Variants in MEGF8 observed in about 807,000 individuals in gnomAD.
MEGF8 encodes the protein multiple EGF like domains 8, also known as multiple epidermal growth factor-like domains protein 8.
Under a neutral mutation model 302.9 loss-of-function variants are expected in MEGF8, and 156 were observed. That is an observed-to-expected ratio of 0.52 (90% CI 0.45 to 0.59). MEGF8 has a LOEUF of 0.59. Ranked by LOEUF, MEGF8 falls within the 20% of genes least tolerant of loss-of-function variation. The probability of loss-of-function intolerance (pLI) is 0.00; values close to 1 mark genes in which losing one functional copy is unlikely to be tolerated. For synonymous variants in MEGF8, 1,621 were observed against 1,660.5 expected, an observed-to-expected ratio of 0.98 and a Z score of 0.58; for missense variants, 3,345 against 3,964.5, an observed-to-expected ratio of 0.84 and a Z score of 4.20.
At position 42,351,697 on chromosome 19, in the gene MEGF8, C is replaced by T. The variant is rs761975438; in HGVS notation, c.3037C>T (p.His1013Tyr). 4 of 1,595,826 alleles carry T rather than the reference C, an allele frequency of 2.5e-6. No individual in the cohort carries two copies. The highest frequency in any genetic ancestry group is 2.7e-5 in the African/African-American group (2 of 74,504). ...GAGCTGCGATGGCTTCCTGACCTGC[C>T]ATGAGTGTCTGCAGAGCCACGAGTG... is the stretch of plus-strand genomic sequence containing the variant. ...CRSCDGFLTCHECLQSHECGW... is the reference protein window; with the variant it reads ...CRSCDGFLTCYECLQSHECGW... The change falls in exon 18 of 42, where the codon CAT becomes TAT. Residue 1013 changes from histidine (H) to tyrosine (Y), a missense_variant. Transcript: ENST00000251268. The surrounding 1 kb of genome is among the most constrained non-coding windows in gnomAD (Gnocchi z 5.6).
Position 42,352,488 on chromosome 19 carries a change from T to C in MEGF8, c.3350+32T>C. On this transcript the variant is annotated intron_variant, in intron 19 of 41. Coordinates refer to ENST00000251268, the MANE Select transcript of MEGF8 (RefSeq NM_001271938.2). This position sits in a 1 kb window ranked among gnomAD's most constrained non-coding sequence, Gnocchi z 4.4. ...GAGGCGGGGGTTGCTATGGAGATGTTGCCCCAGGCTGGGGCACATGGAGGT... is the reference window on the plus strand; with the variant it reads ...GAGGCGGGGGTTGCTATGGAGATGTCGCCCCAGGCTGGGGCACATGGAGGT... 1 of 1,548,748 alleles carries C rather than the reference T, an allele frequency of 6.5e-7. No homozygotes were observed. The highest frequency in any genetic ancestry group is 8.8e-7 in the Non-Finnish European group (1 of 1,140,702).
intron 15 of MEGF8, 54 bp downstream of exon 15, chr19:42,350,438 A>C (rs1427130893): frequency 7.0e-7 from 1 of 1,423,016 alleles, no homozygotes; most frequent in Non-Finnish European, 9.2e-7. Context: ...CACAGCAGGC[A>C]ATGGGCAGTC....
At position 42,337,221 on chromosome 19, in the gene MEGF8, T is replaced by A. The variant is rs1277795204; in HGVS notation, c.1513+15T>A. 1.2e-6 allele frequency: 2 copies of A among 1,613,148 alleles called. No homozygotes were observed. Among genetic ancestry groups the A allele is most frequent in the East Asian group, 4.5e-5 (2 of 44,864 alleles). ...AACCCCTGAGGGTGAGTGGTCCCTG[T>A]TCTTCCCTAGGGGCTCCTGAGGGTC... On this transcript the variant is annotated intron_variant, in intron 8 of 41. Coordinates refer to ENST00000251268, the MANE Select transcript of MEGF8 (RefSeq NM_001271938.2).
At chr19:42,372,071 ACAAACAC>A (rs2039700257) in intron 41 of MEGF8, among the ~76,000 whole-genome samples, 1 of 147,432 alleles carries the variant, frequency 6.8e-6, no homozygotes, top group African/African-American at 2.6e-5. Context: ...AACAACAACA[ACAAACAC>A]ACACACACAC....
chr19:42,366,020 T>C (rs1355531042), intron 35 of MEGF8, among the ~76,000 whole-genome samples: 1 of 151,802 alleles, frequency 6.6e-6, no homozygotes, highest in Non-Finnish European at 1.5e-5. Context: ...TGGCAGAGGT[T>C]GCAGTGAACT....
At chr19:42,348,625 A>C (rs2039324453) in intron 13 of MEGF8, among the ~76,000 whole-genome samples, 153 bp downstream of exon 13, 1 of 152,136 alleles carries the variant, frequency 6.6e-6, no homozygotes, top group Admixed American at 6.5e-5. Context: ...TGTAAGACAG[A>C]GTCTCACTCT....
At position 42,354,794 on chromosome 19, in the gene MEGF8, A is replaced by G; in HGVS notation, c.4144+74A>G. ...CCTTGCCCCTGAACTCACCACCTGA[A>G]GTGGGCTCAGGACCCAGCTCTGCCG... On this transcript the variant is annotated intron_variant, in intron 23 of 41. Transcript: ENST00000251268. This position sits in a 1 kb window ranked among gnomAD's most constrained non-coding sequence, Gnocchi z 4.3. 6.7e-7 allele frequency: 1 copy of G among 1,490,006 alleles called. No homozygotes were observed. The highest frequency in any genetic ancestry group is 9.0e-7 in the Non-Finnish European group (1 of 1,112,344). The allele number at this position is 1,490,006 out of a possible 1,614,324, so 92.3% of individuals were successfully genotyped here.
rs1465418135 is a variant in MEGF8, at chr19:42,353,175, C to T, written c.3550+48C>T. 6.1e-6 allele frequency: 9 copies of T among 1,478,626 alleles called. No individual in the cohort carries two copies. The highest frequency in any genetic ancestry group is 1.4e-5 in the African/African-American group (1 of 70,004). The allele number at this position is 1,478,626 out of a possible 1,614,324, so 91.6% of individuals were successfully genotyped here. A position where few individuals can be genotyped will look rare whatever the true frequency, so the allele number is the denominator to read the frequency against. On this transcript the variant is annotated intron_variant, in intron 20 of 41. Coordinates refer to ENST00000251268, the MANE Select transcript of MEGF8 (RefSeq NM_001271938.2). This position sits in a 1 kb window ranked among gnomAD's most constrained non-coding sequence, Gnocchi z 6.1. The stretch of plus-strand genomic sequence containing the variant: ...CCAGCCTGGACCCAGGGAGCCTCCT[C>T]CCTTCTTGGGGCTCCAGTTTGCTCT...
intron 13 of MEGF8, among the ~76,000 whole-genome samples, chr19:42,349,133 C>T (rs1316292338): frequency 6.6e-6 from 1 of 151,958 alleles, no homozygotes; most frequent in East Asian, 1.9e-4. Context: ...GACATCATCT[C>T]TCCAAAAAAT....
intron 41 of MEGF8, among the ~76,000 whole-genome samples, chr19:42,373,124 C>T (rs1360105961): frequency 6.6e-6 from 1 of 150,942 alleles, no homozygotes; most frequent in Non-Finnish European, 1.5e-5. Context: ...GACGGAGTCT[C>T]ACTCTGTCGC....
At chr19:42,334,434 C>G (rs1464356213) in intron 3 of MEGF8, among the ~76,000 whole-genome samples, 1 of 151,816 alleles carries the variant, frequency 6.6e-6, no homozygotes, top group Non-Finnish European at 1.5e-5. Context: ...TGAGGATATC[C>G]CACTCTCATC....
intron 1 of MEGF8, among the ~76,000 whole-genome samples, 197 bp from the exon 2 acceptor site, chr19:42,333,408 C>G (rs983124802): frequency 6.6e-6 from 1 of 152,208 alleles, no homozygotes; most frequent in Non-Finnish European, 1.5e-5. Flanking sequence ...GGGCTCCTGT[C>G]CCTCTGGCTG....
chr19:42,358,864 G>T lies in MEGF8; in HGVS notation c.5253G>T (p.Gly1751=), dbSNP rs1379858806. The change falls in exon 30 of 42, where the codon GGG becomes GGT. Residue 1751 remains glycine, a synonymous_variant. Transcript: ENST00000251268. This position sits in a 1 kb window ranked among gnomAD's most constrained non-coding sequence, Gnocchi z 4.4. The part of the protein sequence containing the change: ...QVPGEQPGSW[G]FREVRKKMAL... ...CTGGGGAGCAGCCTGGGTCATGGGGGTTCCGGGAAGTCAGGAAGAAGATGG... is the reference window on the plus strand; with the variant it reads ...CTGGGGAGCAGCCTGGGTCATGGGGTTTCCGGGAAGTCAGGAAGAAGATGG... The T allele has an allele frequency of 1.2e-6, 2 of 1,610,010 alleles. No homozygotes were observed. Among genetic ancestry groups the T allele is most frequent in the Non-Finnish European group, 1.7e-6 (2 of 1,178,124 alleles).
At position 42,368,201 on chromosome 19, in the gene MEGF8, A is replaced by C. The variant is rs1315225895; in HGVS notation, c.6274-254A>C. Among the ~76,000 whole-genome samples the C allele has an allele frequency of 6.6e-6, 1 of 152,162 alleles. No homozygotes were observed. The highest frequency in any genetic ancestry group is 2.4e-5 in the African/African-American group (1 of 41,428). ...CCAAAGTATTGGGATTACAGGTGTG[A>C]GCCACTGCGGCCAGGCAACCTTCCA... On this transcript the variant is annotated intron_variant, in intron 35 of 41. Coordinates refer to ENST00000251268, the MANE Select transcript of MEGF8 (RefSeq NM_001271938.2). This position sits in a 1 kb window ranked among gnomAD's most constrained non-coding sequence, Gnocchi z 4.9.
chr19:42,354,143 C>G lies in MEGF8; in HGVS notation c.4011+119C>G. On this transcript the variant is annotated intron_variant, in intron 22 of 41. Coordinates refer to ENST00000251268, the MANE Select transcript of MEGF8 (RefSeq NM_001271938.2). This position sits in a 1 kb window ranked among gnomAD's most constrained non-coding sequence, Gnocchi z 4.3. ...GTTTTTTTTTTTTTGTTTTTTTAAT[C>G]CTTCAAAACCCAAACTCCTCCTCAG... The G allele has an allele frequency of 7.9e-7, 1 of 1,259,674 alleles. No homozygotes were observed. Among genetic ancestry groups the G allele is most frequent in the Non-Finnish European group, 1.1e-6 (1 of 941,630 alleles). The allele number at this position is 1,259,674 out of a possible 1,614,324, so 78.0% of individuals were successfully genotyped here. A position where few individuals can be genotyped will look rare whatever the true frequency, so the allele number is the denominator to read the frequency against.
In MEGF8 at chr19:42,336,955, G is replaced by A. The variant is rs1461116290; in HGVS notation, c.1390+3G>A. The A allele has an allele frequency of 6.2e-7, 1 of 1,613,694 alleles. No individual in the cohort carries two copies. Among genetic ancestry groups the A allele is most frequent in the African/African-American group, 1.3e-5 (1 of 74,924 alleles). ...GGGCAATTACATGGTGGTCTATGGT[G>A]AGGAGGCTCCCCAATCCTGCCTGCC... is the stretch of plus-strand genomic sequence containing the variant. On this transcript the variant is annotated splice_donor_region_variant and intron_variant, in intron 7 of 41. Transcript: ENST00000251268. The surrounding 1 kb of genome is among the most constrained non-coding windows in gnomAD (Gnocchi z 4.8).
chr19:42,327,386 C>A (rs181770781), intron 1 of MEGF8, among the ~76,000 whole-genome samples: 7 of 152,178 alleles, frequency 4.6e-5, no homozygotes, highest in African/African-American at 1.2e-4. Context: ...GATGGAGGAA[C>A]CCCAGAGGCC....
chr19:42,360,765 C>A lies in MEGF8; in HGVS notation c.5489-10C>A. On this transcript the variant is annotated splice_polypyrimidine_tract_variant and intron_variant, in intron 31 of 41. Transcript: ENST00000251268. ...CTCTCTATCTGTCTGAATACACCAT[C>A]TTTCCTCAGGCTCGGCCTCTGTGGG... The A allele has an allele frequency of 6.4e-7, 1 of 1,565,406 alleles. No homozygotes were observed. Among genetic ancestry groups the A allele is most frequent in the Non-Finnish European group, 8.7e-7 (1 of 1,155,320 alleles).
At position 42,358,795 on chromosome 19, in the gene MEGF8, T is replaced by C; in HGVS notation, c.5184T>C (p.Arg1728=). ...LAPSQGAKRD[R]MRNVRGSSRG... Reference sequence around the variant, plus strand: ...GCCCCCACTGTCACTAGCGAGATCGTATGAGGAATGTGCGTGGCTCATCTC... The same window carrying C: ...GCCCCCACTGTCACTAGCGAGATCGCATGAGGAATGTGCGTGGCTCATCTC... The change falls in exon 30 of 42, where the codon CGT becomes CGC. Residue 1728 remains arginine, a synonymous_variant. Transcript: ENST00000251268. The surrounding 1 kb of genome is among the most constrained non-coding windows in gnomAD (Gnocchi z 4.4). 1 of 1,559,398 alleles carries C rather than the reference T, an allele frequency of 6.4e-7. No individual in the cohort carries two copies. The highest frequency in any genetic ancestry group is 8.7e-7 in the Non-Finnish European group (1 of 1,154,168).
Sources: gnomAD v4.1 joint callset for allele counts (sites outside exome capture counted in the v4.1 genomes callset) on GRCh38, gnomAD v4.1.1 for gene constraint, Gnocchi (gnomAD v3.1) non-coding constraint, MANE v1.5 for transcripts, NCBI Gene and HGNC (gene_info 2026-07-23, HGNC 2026-07-21) for gene names.